ADAMTS17: variants seen among roughly 807,000 people sequenced by gnomAD.
The protein encoded by ADAMTS17 is A disintegrin and metalloproteinase with thrombospondin motifs 17.
A neutral mutation model predicts 141.5 loss-of-function variants in ADAMTS17; 113 were observed. That is an observed-to-expected ratio of 0.80 (90% CI 0.69 to 0.93). The LOEUF is 0.93. ADAMTS17 is among the 40% of genes least tolerant of loss of function. ADAMTS17 has a pLI of 0.00. For synonymous variants in ADAMTS17, 768 were observed against 630.6 expected, an observed-to-expected ratio of 1.22 and a Z score of -3.27; for missense variants, 1,659 against 1,517.9, an observed-to-expected ratio of 1.09 and a Z score of -1.54.
At chr15:100,111,225 T>C (rs1376107340) in intron 13 of ADAMTS17, among the ~76,000 whole-genome samples, 1 of 152,204 alleles carries the variant, frequency 6.6e-6, no homozygotes, top group Non-Finnish European at 1.5e-5. Flanking sequence ...TGTTTGCTTC[T>C]GAAGGCCCCA....
intron 20 of ADAMTS17, among the ~76,000 whole-genome samples, chr15:99,977,608 G>GC (rs1170003130): frequency 2.0e-5 from 3 of 150,720 alleles, no homozygotes; most frequent in Non-Finnish European, 4.4e-5. Context: ...TAGAGACAGG[G>GC]CTTCATCATA....
intron 8 of ADAMTS17, among the ~76,000 whole-genome samples, chr15:100,167,293 C>G (rs2039987654): frequency 6.6e-6 from 1 of 152,140 alleles, no homozygotes; most frequent in Non-Finnish European, 1.5e-5. Context: ...CATAACACAG[C>G]TGGAGAACAA....
intron 8 of ADAMTS17, among the ~76,000 whole-genome samples, chr15:100,181,295 G>A (rs2040516502): frequency 6.6e-6 from 1 of 152,318 alleles, no homozygotes; most frequent in East Asian, 1.9e-4. Context: ...CCCACTTGGT[G>A]CTCCACCCCA....
chr15:100,157,556 G>C (rs539551247), intron 8 of ADAMTS17, among the ~76,000 whole-genome samples: 111 of 152,288 alleles, frequency 7.3e-4, no homozygotes, highest in Middle Eastern at 3.4e-3. Context: ...AGACCCTCCT[G>C]ACTGGAGGCC....
intron 18 of ADAMTS17, among the ~76,000 whole-genome samples, chr15:100,014,697 A>G (rs2061253454): frequency 6.6e-6 from 1 of 152,144 alleles, no homozygotes; most frequent in Non-Finnish European, 1.5e-5. Context: ...GTTGATTTCC[A>G]GTTTTATTCT....
In ADAMTS17 at chr15:99,977,366, AT is replaced by A. The variant is rs1567631973; in HGVS notation, c.2950-1145del. Among the ~76,000 whole-genome samples the A allele has an allele frequency of 1.8e-3, 17 of 9,256 alleles. 1 individual carries two copies. Among genetic ancestry groups the A allele is most frequent in the African/African-American group, 8.5e-3 (14 of 1,650 alleles). 6.1% of individuals were successfully genotyped at this position (9,256 alleles called of 152,430 possible). ...CTCCTCTTCATATATATATATATAT[AT>A]ATATATATATATATATATATATATA... On this transcript the variant is annotated intron_variant, in intron 20 of 21. Coordinates refer to ENST00000268070, the MANE Select transcript of ADAMTS17 (RefSeq NM_139057.4).
chr15:100,046,423 C>T (rs1259216271), intron 18 of ADAMTS17, among the ~76,000 whole-genome samples: 1 of 152,136 alleles, frequency 6.6e-6, no homozygotes, highest in East Asian at 1.9e-4. Flanking sequence ...GGTAGCAGTT[C>T]TCATTTCATC....
intron 6 of ADAMTS17, among the ~76,000 whole-genome samples, chr15:100,260,333 G>A (rs117249494): frequency 0.013 from 1,992 of 152,200 alleles, 20 homozygotes; most frequent in Middle Eastern, 0.048. Context: ...TTTGTGGATG[G>A]CCAGGCGTGG....
intron 6 of ADAMTS17, among the ~76,000 whole-genome samples, chr15:100,258,187 C>A (rs2043391352): frequency 6.6e-6 from 1 of 152,214 alleles, no homozygotes; most frequent in Non-Finnish European, 1.5e-5. Flanking sequence ...CATGAGTGTT[C>A]AAATATCAGA....
intron 15 of ADAMTS17, among the ~76,000 whole-genome samples, chr15:100,079,417 T>C (rs2034587897): frequency 6.6e-6 from 1 of 152,236 alleles, no homozygotes; most frequent in Non-Finnish European, 1.5e-5. Flanking sequence ...TTGAAAATAC[T>C]ATGCTAAGGG....
chr15:100,210,171 C>T (rs2041748600), intron 7 of ADAMTS17, among the ~76,000 whole-genome samples: 1 of 129,854 alleles, frequency 7.7e-6, no homozygotes, highest in South Asian at 2.6e-4. Flanking sequence ...GAGGAGCTTG[C>T]AGTGAGCCGA....
intron 7 of ADAMTS17, among the ~76,000 whole-genome samples, chr15:100,217,097 A>G (rs1360595177): frequency 1.4e-5 from 2 of 138,990 alleles, no homozygotes; most frequent in African/African-American, 5.9e-5. Context: ...GTGTTTCAGC[A>G]ACATCTTTCT....
At chr15:99,998,593 G>A (rs1028865449) in intron 18 of ADAMTS17, among the ~76,000 whole-genome samples, 1 of 152,162 alleles carries the variant, frequency 6.6e-6, no homozygotes, top group Non-Finnish European at 1.5e-5. Context: ...GACAGAGTGA[G>A]ACTGTATCCC....
At chr15:100,125,673 C>T (rs1232557084) in intron 12 of ADAMTS17, among the ~76,000 whole-genome samples, 1 of 152,126 alleles carries the variant, frequency 6.6e-6, no homozygotes, top group Non-Finnish European at 1.5e-5. Flanking sequence ...CATTTTCTAC[C>T]CTGCAGTCTT....
chr15:100,327,626 A>G (rs2045937111), intron 3 of ADAMTS17, among the ~76,000 whole-genome samples: 1 of 152,264 alleles, frequency 6.6e-6, no homozygotes, highest in South Asian at 2.1e-4. Flanking sequence ...ATCATAATGG[A>G]GAAATTAAAA....
intron 13 of ADAMTS17, among the ~76,000 whole-genome samples, chr15:100,110,632 A>G (rs1346374457): frequency 1.3e-5 from 2 of 152,134 alleles, no homozygotes. Context: ...ATTGAGCAAG[A>G]GGAATGCATT....
chr15:100,145,819 A>C (rs1178703885), intron 10 of ADAMTS17, among the ~76,000 whole-genome samples: 1 of 152,162 alleles, frequency 6.6e-6, no homozygotes. Context: ...GTTGTTATTT[A>C]TTGGTTGCTT....
chr15:100,202,499 G>C (rs565630373), intron 7 of ADAMTS17, among the ~76,000 whole-genome samples: 9 of 152,342 alleles, frequency 5.9e-5, no homozygotes, highest in African/African-American at 2.2e-4. Flanking sequence ...GTTTATGAGA[G>C]ATGAGGTGGA....
At chr15:100,059,712 G>A (rs972708757) in intron 15 of ADAMTS17, among the ~76,000 whole-genome samples, 1 of 152,144 alleles carries the variant, frequency 6.6e-6, no homozygotes, top group African/African-American at 2.4e-5. Context: ...AGACAATGCA[G>A]GTCACCTCCT....
Sources: allele counts gnomAD v4.1 joint callset (sites outside exome capture counted in the v4.1 genomes callset), GRCh38; gene constraint gnomAD v4.1.1; transcripts MANE v1.5; gene names NCBI Gene and HGNC (gene_info 2026-07-23, HGNC 2026-07-21).